Variants in PTGFR observed in about 807,000 individuals in gnomAD.
PTGFR encodes the protein prostaglandin F2-alpha receptor.
In PTGFR, 15 loss-of-function variants were observed where a neutral mutation model predicts 26.2. The observed-to-expected ratio is 0.57, with a 90% CI of 0.38 to 0.88. The LOEUF is 0.88. Ranked by LOEUF, PTGFR falls within the 40% of genes least tolerant of loss-of-function variation. The pLI, the probability that PTGFR is intolerant of heterozygous loss-of-function variation, is 0.00. For synonymous variants in PTGFR, 165 were observed against 151.1 expected (o/e 1.09, Z -0.68); for missense variants, 369 against 427.2 (o/e 0.86, Z 1.20).
chr1:78,494,005 G>A (rs538571181), intron 2 of PTGFR, among the ~76,000 whole-genome samples: 2 of 152,258 alleles, frequency 1.3e-5, no homozygotes, highest in Non-Finnish European at 2.9e-5. Flanking sequence ...ACTGAGATAG[G>A]TGGATAGTTC....
intron 2 of PTGFR, among the ~76,000 whole-genome samples, chr1:78,507,787 G>A (rs1649862615): frequency 6.6e-6 from 1 of 152,168 alleles, no homozygotes; most frequent in Admixed American, 6.5e-5. Context: ...GATTGCTGAA[G>A]TATGAAATTA....
intron 2 of PTGFR, chr1:78,497,933 T>G: frequency 6.3e-7 from 1 of 1,588,334 alleles, no homozygotes; most frequent in East Asian, 2.2e-5. Flanking sequence ...AGCAAAGTGA[T>G]TTCTTACATA....
intron 2 of PTGFR, among the ~76,000 whole-genome samples, chr1:78,511,421 C>A (rs1261014857): frequency 1.3e-5 from 2 of 152,148 alleles, no homozygotes; most frequent in African/African-American, 4.8e-5. Flanking sequence ...ATGGCTCGTG[C>A]CCTCAGGAGT....
chr1:78,497,317 G>A (rs1212060876), intron 2 of PTGFR, among the ~76,000 whole-genome samples: 3 of 151,960 alleles, frequency 2.0e-5, no homozygotes, highest in Admixed American at 2.0e-4. Flanking sequence ...TACAACTGAC[G>A]CTTATTATCT....
chr1:78,518,499 C>T (rs1315784907), intron 2 of PTGFR, among the ~76,000 whole-genome samples: 1 of 150,710 alleles, frequency 6.6e-6, no homozygotes, highest in African/African-American at 2.4e-5. Context: ...TTTGAAGTGC[C>T]CTAGTAATTA....
chr1:78,514,135 G>C (rs1650037134), intron 2 of PTGFR, among the ~76,000 whole-genome samples: 2 of 152,198 alleles, frequency 1.3e-5, no homozygotes, highest in East Asian at 3.9e-4. Context: ...CTGCCTAGTG[G>C]AACTGTGGGG....
intron 2 of PTGFR, among the ~76,000 whole-genome samples, chr1:78,499,617 T>C (rs112210174): frequency 7.2e-5 from 11 of 152,202 alleles, no homozygotes; most frequent in Non-Finnish European, 1.6e-4. Flanking sequence ...TGATTTGAGC[T>C]GGAGAGGTCT....
intron 2 of PTGFR, among the ~76,000 whole-genome samples, chr1:78,500,870 T>G (rs1257680554): frequency 6.6e-6 from 1 of 152,250 alleles, no homozygotes; most frequent in African/African-American, 2.4e-5. Context: ...GGTGTAAAAT[T>G]GGCAAATGTC....
chr1:78,520,057 A>G (rs139165026), intron 2 of PTGFR, among the ~76,000 whole-genome samples: 420 of 152,158 alleles, frequency 2.8e-3, no homozygotes, highest in Middle Eastern at 0.014. Context: ...TGCTGTGCTT[A>G]GTAACATGAA....
At chr1:78,501,655 A>G (rs971283121) in intron 2 of PTGFR, among the ~76,000 whole-genome samples, 15 of 152,134 alleles carry the variant, frequency 9.9e-5, no homozygotes, top group Non-Finnish European at 7.4e-5. Flanking sequence ...AGACAATTGG[A>G]TTATGTAAAA....
rs538094366 is a variant in PTGFR, at chr1:78,503,617, T to C, written c.798+10076T>C. On this transcript the variant is annotated intron_variant, in intron 2 of 2. Transcript: ENST00000370757. ...TTCCTGAGACAAATTCTAAGACTCATGCTTTCTATCTCCTTCATTTTGTCT... is the reference window on the plus strand; with the variant it reads ...TTCCTGAGACAAATTCTAAGACTCACGCTTTCTATCTCCTTCATTTTGTCT... 4.6e-5 allele frequency among the ~76,000 whole-genome samples: 7 copies of C among 152,334 alleles called. No homozygotes were observed. In the South Asian group the frequency reaches 1.4e-3, roughly 32 times the overall value.
At chr1:78,517,710 G>A (rs1360901751) in intron 2 of PTGFR, among the ~76,000 whole-genome samples, 1 of 152,146 alleles carries the variant, frequency 6.6e-6, no homozygotes, top group Non-Finnish European at 1.5e-5. Context: ...GTCAGATTGT[G>A]TAGGATTTTG....
intron 2 of PTGFR, among the ~76,000 whole-genome samples, chr1:78,524,099 C>T (rs947358040): frequency 6.6e-6 from 1 of 152,052 alleles, no homozygotes; most frequent in African/African-American, 2.4e-5. Context: ...GGTGGAGTCG[C>T]TACTATTGAG....
rs1317673207 is a variant in PTGFR at position 78,532,390 on chromosome 1, A to ATATATATATATATATATG, written c.799-4009_799-4008insATATATATATGTATATAT. Reference sequence around the variant, plus strand: ...TATATATATATATATATATATATATATATATATGTATATATGTGTATATAT... The same window carrying ATATATATATATATATATG: ...TATATATATATATATATATATATATATATATATATATATATATGTATATATGTATATATGTGTATATAT... On this transcript the variant is annotated intron_variant, in intron 2 of 2. Transcript: ENST00000370757. 6.5e-4 allele frequency: 86 copies of ATATATATATATATATATG among 132,056 alleles called. 7 individuals carry two copies. The South Asian group carries it at 6.6e-3, about 10-fold the overall frequency. 8.2% of individuals were successfully genotyped at this position (132,056 alleles called of 1,614,324 possible). A position where few individuals can be genotyped will look rare whatever the true frequency, so the allele number is the denominator to read the frequency against.
chr1:78,530,075 C>T (rs2100397430), intron 2 of PTGFR, among the ~76,000 whole-genome samples: 1 of 152,112 alleles, frequency 6.6e-6, no homozygotes, highest in South Asian at 2.1e-4. Flanking sequence ...AAAAGAACTA[C>T]TGAAATGAAA....
intron 2 of PTGFR, among the ~76,000 whole-genome samples, chr1:78,525,816 C>T (rs1181631930): frequency 6.6e-6 from 1 of 152,050 alleles, no homozygotes; most frequent in Non-Finnish European, 1.5e-5. Context: ...ATACTCCTAT[C>T]ATTAAGGAAA....
At chr1:78,523,814 G>A (rs530021430) in intron 2 of PTGFR, among the ~76,000 whole-genome samples, 1 of 152,178 alleles carries the variant, frequency 6.6e-6, no homozygotes, top group South Asian at 2.1e-4. Flanking sequence ...GGGTCTGTCT[G>A]CATTTCACTG....
At position 78,492,711 on chromosome 1, in the gene PTGFR, T is replaced by A. The variant is rs762936038; in HGVS notation, c.-33T>A. ...ATCCTGCACAGTTTTGAGAGGGAGA[T>A]GACTTGAGTGGTTGGCTTTTATCTC... On this transcript the variant is annotated 5_prime_UTR_variant, in exon 2 of 3. An upstream start codon of the reference 5' UTR is lost. Transcript: ENST00000370757. 1.3e-6 allele frequency: 2 copies of A among 1,572,420 alleles called. No individual in the cohort carries two copies. Among genetic ancestry groups the A allele is most frequent in the Non-Finnish European group, 8.6e-7 (1 of 1,157,606 alleles).
chr1:78,532,400 ATATATGTGTATATATATGTG>A (rs1650535559), intron 2 of PTGFR: 8 of 134,106 alleles, frequency 6.0e-5, no homozygotes, highest in Non-Finnish European at 1.3e-4. Context: ...ATATATATGT[ATATATGTGTATATATATGTG>A]TGTATATATG....
Sources: gnomAD v4.1 joint callset for allele counts (sites outside exome capture counted in the v4.1 genomes callset) on GRCh38, gnomAD v4.1.1 for gene constraint, MANE v1.5 for transcripts, NCBI Gene and HGNC (gene_info 2026-07-23, HGNC 2026-07-21) for gene names.